Variants in KIAA1549L observed in about 807,000 individuals in gnomAD.
KIAA1549L encodes KIAA1549 like, also known as UPF0606 protein KIAA1549L.
Under a neutral mutation model 160.7 loss-of-function variants are expected in KIAA1549L, and 88 were observed. The observed-to-expected ratio is 0.55, with a 90% CI of 0.46 to 0.65. The LOEUF (loss-of-function observed/expected upper bound fraction) is 0.65. KIAA1549L is among the 30% of genes least tolerant of loss of function. The probability of loss-of-function intolerance (pLI) is 0.00; values close to 1 mark genes in which losing one functional copy is unlikely to be tolerated. For missense variants in KIAA1549L, 2,258 were observed against 2,437.5 expected (o/e 0.93, Z 1.55); for synonymous variants, 950 against 976.7 (o/e 0.97, Z 0.51).
chr11:33,420,652 A>AG (rs769688336), intron 1 of KIAA1549L, among the ~76,000 whole-genome samples: 28 of 152,234 alleles, frequency 1.8e-4, no homozygotes, highest in Non-Finnish European at 3.4e-4. Flanking sequence ...ACCACCCAGC[A>AG]GGGAAGTTCA....
rs578232241 is a variant in KIAA1549L, at chr11:33,518,400, G to T, written c.239-23402G>T. The stretch of plus-strand genomic sequence containing the variant: ...CAGAATCCAGATCCCCTGGCCCATT[G>T]TGTGATGTTTTCCCTCTTTCCCTTG... On this transcript the variant is annotated intron_variant, in intron 1 of 20. Coordinates refer to ENST00000658780, the MANE Select transcript of KIAA1549L (RefSeq NM_012194.3). Among the ~76,000 whole-genome samples the T allele has an allele frequency of 2.6e-5, 4 of 152,196 alleles. No homozygotes were observed. In the South Asian group the frequency reaches 8.3e-4, roughly 32 times the overall value.
At chr11:33,651,319 C>T (rs1432384713) in intron 17 of KIAA1549L, among the ~76,000 whole-genome samples, 1 of 152,042 alleles carries the variant, frequency 6.6e-6, no homozygotes, top group Non-Finnish European at 1.5e-5. Flanking sequence ...TGCCTGTCAT[C>T]CCAGCTACTC....
chr11:33,388,911 T>C (rs1311294178), intron 1 of KIAA1549L, among the ~76,000 whole-genome samples: 4 of 152,182 alleles, frequency 2.6e-5, no homozygotes, highest in African/African-American at 9.7e-5. Context: ...ATCCTAGATA[T>C]AAATAAGGCC....
intron 1 of KIAA1549L, among the ~76,000 whole-genome samples, chr11:33,429,950 A>G (rs770607043): frequency 5.9e-5 from 9 of 152,034 alleles, no homozygotes; most frequent in Non-Finnish European, 1.0e-4. Context: ...TGTATGAAAC[A>G]GCAACCAGAG....
chr11:33,654,036 G>C (rs1436162838), intron 17 of KIAA1549L, among the ~76,000 whole-genome samples: 1 of 152,042 alleles, frequency 6.6e-6, no homozygotes, highest in Non-Finnish European at 1.5e-5. Flanking sequence ...GCAGTGGCGT[G>C]ATCTCGGCCC....
intron 1 of KIAA1549L, among the ~76,000 whole-genome samples, chr11:33,403,975 T>G (rs766678376): frequency 6.6e-6 from 1 of 152,174 alleles, no homozygotes; most frequent in Non-Finnish European, 1.5e-5. Flanking sequence ...AACCACTGAT[T>G]TAGGTATTTT....
chr11:33,662,611 G>A (rs892104044), intron 20 of KIAA1549L, among the ~76,000 whole-genome samples: 19 of 152,192 alleles, frequency 1.2e-4, no homozygotes, highest in African/African-American at 4.6e-4. Context: ...TTTTCAGAAA[G>A]TAGATGATGT....
intron 13 of KIAA1549L, among the ~76,000 whole-genome samples, chr11:33,601,192 T>C (rs905253978): frequency 6.6e-6 from 1 of 152,218 alleles, no homozygotes; most frequent in African/African-American, 2.4e-5. Context: ...GGTTGCACTT[T>C]ATTTTTGCCA....
At chr11:33,488,271 T>C (rs1852575647) in intron 1 of KIAA1549L, among the ~76,000 whole-genome samples, 1 of 152,232 alleles carries the variant, frequency 6.6e-6, no homozygotes, top group Non-Finnish European at 1.5e-5. Flanking sequence ...TGGCTTAGTC[T>C]ATGGATAATT....
At chr11:33,656,820 A>T (rs945201935) in intron 18 of KIAA1549L, among the ~76,000 whole-genome samples, 3 of 152,054 alleles carry the variant, frequency 2.0e-5, no homozygotes, top group African/African-American at 7.2e-5. Flanking sequence ...TCGGAATAGG[A>T]GGGACCCCGC....
chr11:33,631,000 G>A (rs151317080), intron 16 of KIAA1549L, among the ~76,000 whole-genome samples: 5 of 152,300 alleles, frequency 3.3e-5, no homozygotes, highest in Admixed American at 6.5e-5. Flanking sequence ...GTGGAGGCAC[G>A]TGCAACGTAC....
chr11:33,631,349 C>T (rs535328426), intron 16 of KIAA1549L, among the ~76,000 whole-genome samples: 27 of 152,344 alleles, frequency 1.8e-4, no homozygotes, highest in African/African-American at 6.0e-4. Flanking sequence ...TGTGGTTTCT[C>T]ATCTCCGGGT....
In KIAA1549L at chr11:33,542,525, C is replaced by T; in HGVS notation, c.962C>T (p.Ser321Leu). The change falls in exon 2 of 21, where the codon TCA becomes TTA. Residue 321 changes from serine (S) to leucine (L), a missense_variant. By Grantham distance (145) the Ser-to-Leu change is moderately radical (BLOSUM62 -2). Around this residue, in one of 6 missense-constraint regions of KIAA1549L, gnomAD observed 540 missense variants for 465.7 expected, o/e 1.16. Coordinates refer to ENST00000658780, the MANE Select transcript of KIAA1549L (RefSeq NM_012194.3). ...GIPHLGVSGSSTKWHSELSPT... is the reference protein window; with the variant it reads ...GIPHLGVSGSLTKWHSELSPT... ...CCTCATCTAGGTGTTTCTGGATCCTCAACAAAATGGCATTCCGAGCTGTCC... is the reference window on the plus strand; with the variant it reads ...CCTCATCTAGGTGTTTCTGGATCCTTAACAAAATGGCATTCCGAGCTGTCC... The T allele has an allele frequency of 1.2e-6, 2 of 1,613,954 alleles. No homozygotes were observed. Among genetic ancestry groups the T allele is most frequent in the Non-Finnish European group, 8.5e-7 (1 of 1,179,856 alleles).
chr11:33,383,855 T>C (rs1309032462), intron 1 of KIAA1549L, among the ~76,000 whole-genome samples: 1 of 152,226 alleles, frequency 6.6e-6, no homozygotes, highest in African/African-American at 2.4e-5. Flanking sequence ...AGATCTTTAT[T>C]TAGAATCTTT....
At position 33,668,321 on chromosome 11, in the gene KIAA1549L, C is replaced by T. The variant is rs186582095; in HGVS notation, c.*167C>T. ...CTTCTGGGAACAGGAAACTCTTGAA[C>T]GACTAGATTCTTGGCTCATCCAACT... On this transcript the variant is annotated 3_prime_UTR_variant, in exon 21 of 21. Transcript: ENST00000658780. The T allele has an allele frequency of 1.3e-5, 9 of 669,684 alleles. No individual in the cohort carries two copies. The highest frequency in any genetic ancestry group is 2.7e-5 in the East Asian group (1 of 36,510). 41.5% of individuals were successfully genotyped at this position (669,684 alleles called of 1,614,324 possible). A position where few individuals can be genotyped will look rare whatever the true frequency, so the allele number is the denominator to read the frequency against.
At position 33,598,960 on chromosome 11, in the gene KIAA1549L, C is replaced by T; in HGVS notation, c.4879+13C>T. ...AGGAAGAGAAATGGTGAGAAGCCTT[C>T]CCTCCAAGAACCACCCCCAGCTGCT... On this transcript the variant is annotated intron_variant, in intron 13 of 20. Coordinates refer to ENST00000658780, the MANE Select transcript of KIAA1549L (RefSeq NM_012194.3). The T allele has an allele frequency of 6.2e-7, 1 of 1,612,254 alleles. No individual in the cohort carries two copies. The highest frequency in any genetic ancestry group is 2.2e-5 in the East Asian group (1 of 44,824).
chr11:33,635,631 G>A (rs1851416865), intron 16 of KIAA1549L, among the ~76,000 whole-genome samples: 2 of 151,606 alleles, frequency 1.3e-5, no homozygotes, highest in African/African-American at 4.9e-5. Flanking sequence ...TAGAATAAGT[G>A]GCCTCAAGAG....
At chr11:33,649,767 T>A (rs997773690) in intron 17 of KIAA1549L, among the ~76,000 whole-genome samples, 10 of 150,904 alleles carry the variant, frequency 6.6e-5, no homozygotes, top group African/African-American at 2.0e-4. Flanking sequence ...CATTTCTGCA[T>A]CTGTAGTTCC....
At position 33,543,729 on chromosome 11, in the gene KIAA1549L, T is replaced by C; in HGVS notation, c.2166T>C (p.Tyr722=). 5 of 1,614,058 alleles carry C rather than the reference T, an allele frequency of 3.1e-6. No individual in the cohort carries two copies. Among genetic ancestry groups the C allele is most frequent in the Non-Finnish European group, 4.2e-6 (5 of 1,179,888 alleles). Residue 722 remains tyrosine (Y), a synonymous_variant, in exon 2 of 21, where the codon TAT becomes TAC. Coordinates refer to ENST00000658780, the MANE Select transcript of KIAA1549L (RefSeq NM_012194.3). ...IISGLQQQTN[Y]DLNGHTISTT... is the part of the protein sequence containing the mutation. ...CTGGCTTGCAGCAGCAAACAAATTA[T>C]GATTTAAATGGACACACAATTAGCA...
Sources: allele counts gnomAD v4.1 joint callset (sites outside exome capture counted in the v4.1 genomes callset), GRCh38; gene constraint gnomAD v4.1.1; regional missense constraint gnomAD v4.1.1; transcripts MANE v1.5; gene names NCBI Gene and HGNC (gene_info 2026-07-23, HGNC 2026-07-21).